Variants in ARHGEF12 observed in about 807,000 individuals in gnomAD.
The protein encoded by ARHGEF12 is Rho guanine nucleotide exchange factor 12, also known as KMT2A/ARHGEF12 fusion protein.
ARHGEF12 carries 66 observed loss-of-function variants against 211.2 expected under a neutral mutation model. The ratio of observed to expected loss-of-function variants is 0.31; its 90% CI spans 0.26 to 0.38. The LOEUF (loss-of-function observed/expected upper bound fraction) is 0.38. Among genes scored for constraint, ARHGEF12 ranks in the 10% least tolerant of loss-of-function variants. The pLI, the probability that ARHGEF12 is intolerant of heterozygous loss-of-function variation, is 1.00. For synonymous variants in ARHGEF12, 592 were observed against 638.4 expected (o/e 0.93, Z 1.09); for missense variants, 1,429 against 1,869.5 (o/e 0.76, Z 4.34).
chr11:120,427,928 C>T (rs1219122432), intron 7 of ARHGEF12, 141 bp from the exon 8 acceptor site: 2 of 602,420 alleles, frequency 3.3e-6, no homozygotes, highest in Non-Finnish European at 5.2e-6. Flanking sequence ...TCTGTGGAGA[C>T]ATGATGTAGC....
chr11:120,367,572 G>C (rs1013308356), intron 1 of ARHGEF12, among the ~76,000 whole-genome samples: 1 of 152,000 alleles, frequency 6.6e-6, no homozygotes, highest in South Asian at 2.1e-4. Context: ...CACCATGTTG[G>C]TCAGGCTGGT....
intron 1 of ARHGEF12, among the ~76,000 whole-genome samples, chr11:120,387,732 CAAAG>C (rs1944083032): frequency 6.6e-6 from 1 of 151,892 alleles, no homozygotes; most frequent in African/African-American, 2.4e-5. Flanking sequence ...TCCATATAAG[CAAAG>C]AAAAAAAGCA....
intron 1 of ARHGEF12, among the ~76,000 whole-genome samples, chr11:120,363,801 A>G (rs1180784384): frequency 1.3e-5 from 2 of 152,218 alleles, no homozygotes; most frequent in Non-Finnish European, 2.9e-5. Flanking sequence ...CCTAGGCCAG[A>G]TTCAGAAGAT....
At chr11:120,472,890 C>T (rs531021927) in intron 30 of ARHGEF12, among the ~76,000 whole-genome samples, 160 bp from the exon 31 acceptor site, 30 of 152,138 alleles carry the variant, frequency 2.0e-4, no homozygotes, top group African/African-American at 6.0e-4. Context: ...CTCCTAACCT[C>T]GTGATCCACC....
chr11:120,345,217 A>G (rs192749207), intron 1 of ARHGEF12, among the ~76,000 whole-genome samples: 9 of 152,338 alleles, frequency 5.9e-5, no homozygotes, highest in Middle Eastern at 3.4e-3. Context: ...CCATCCAGAA[A>G]CAGAAACTAA....
At chr11:120,455,454 T>C (rs980892127) in intron 22 of ARHGEF12, among the ~76,000 whole-genome samples, 1 of 152,158 alleles carries the variant, frequency 6.6e-6, no homozygotes, top group African/African-American at 2.4e-5. Context: ...AGGAAAATGG[T>C]TTTGAACTTA....
At chr11:120,405,983 C>T (rs1473998052) in intron 1 of ARHGEF12, 135 bp from the exon 2 acceptor site, 5 of 632,158 alleles carry the variant, frequency 7.9e-6, no homozygotes, top group Admixed American at 3.6e-5. Flanking sequence ...ATTCCTCCAG[C>T]TTATTGATTC....
chr11:120,377,254 C>G (rs1943751846), intron 1 of ARHGEF12, among the ~76,000 whole-genome samples: 1 of 152,170 alleles, frequency 6.6e-6, no homozygotes, highest in African/African-American at 2.4e-5. Flanking sequence ...AAAAAATTGT[C>G]TCTGCTTTCT....
Position 120,336,842 on chromosome 11 carries a change from C to G in ARHGEF12, c.-402C>G, listed in dbSNP as rs1036572212. On this transcript the variant is annotated 5_prime_UTR_variant, in exon 1 of 41. Transcript: ENST00000397843. Reference sequence around the variant, plus strand: ...CCGGCCCTTGCCGCGGCGGGGAGTTCGAGGCCCCGAGACTCCGGAGGAGGA... The same window carrying G: ...CCGGCCCTTGCCGCGGCGGGGAGTTGGAGGCCCCGAGACTCCGGAGGAGGA... The G allele has an allele frequency of 2.8e-6, 1 of 359,352 alleles. No individual in the cohort carries two copies. The highest frequency in any genetic ancestry group is 5.0e-6 in the Non-Finnish European group (1 of 201,304). The allele number at this position is 359,352 out of a possible 1,614,324, so 22.3% of individuals were successfully genotyped here. A position where few individuals can be genotyped will look rare whatever the true frequency, so the allele number is the denominator to read the frequency against.
chr11:120,337,617 G>A (rs1942392660), intron 1 of ARHGEF12: 1 of 985,238 alleles, frequency 1.0e-6, no homozygotes, highest in African/African-American at 1.7e-5. Context: ...CCTGAAGTCG[G>A]CTCGGTATTG....
intron 1 of ARHGEF12, among the ~76,000 whole-genome samples, chr11:120,354,585 A>G (rs898926337): frequency 6.6e-6 from 1 of 152,184 alleles, no homozygotes; most frequent in Non-Finnish European, 1.5e-5. Flanking sequence ...TGCTTAAGAG[A>G]TATTTAGGTG....
rs1942423325 is a variant in ARHGEF12 at position 120,338,437 on chromosome 11, G to T, written c.32+1162G>T. On this transcript the variant is annotated intron_variant, in intron 1 of 40. Transcript: ENST00000397843. Reference sequence around the variant, plus strand: ...AGAAACAGAACTTCCTCTTCCTGTTGATGCTTTCCAGCATCACATGAATGT... The same window carrying T: ...AGAAACAGAACTTCCTCTTCCTGTTTATGCTTTCCAGCATCACATGAATGT... Among the ~76,000 whole-genome samples, 3 of 152,164 alleles carry T rather than the reference G, an allele frequency of 2.0e-5. No homozygotes were observed. In the South Asian group the frequency reaches 6.2e-4, roughly 31 times the overall value.
intron 1 of ARHGEF12, among the ~76,000 whole-genome samples, chr11:120,348,218 A>C (rs2135282982): frequency 6.6e-6 from 1 of 152,352 alleles, no homozygotes; most frequent in Middle Eastern, 3.4e-3. Context: ...TTACAGAATT[A>C]GTGGAGTTGA....
rs1180571183 is a variant in ARHGEF12, at chr11:120,420,864, A to G, written c.298+13A>G. On this transcript the variant is annotated intron_variant, in intron 5 of 40. Transcript: ENST00000397843. The stretch of plus-strand genomic sequence containing the variant: ...TCTGTCAAAGAAGGCAAGGCATTTT[A>G]AAAAACAATTTATCACTCAGTAAAC... 6.2e-7 allele frequency: 1 copy of G among 1,606,578 alleles called. No individual in the cohort carries two copies. The highest frequency in any genetic ancestry group is 1.3e-5 in the African/African-American group (1 of 74,802).
intron 12 of ARHGEF12, chr11:120,438,552 A>G (rs1381804439): frequency 6.6e-6 from 1 of 152,204 alleles, no homozygotes; most frequent in East Asian, 1.9e-4. Context: ...TAGTGTTGCA[A>G]CACTAGGAGG....
intron 15 of ARHGEF12, among the ~76,000 whole-genome samples, chr11:120,445,020 G>A (rs1344039885): frequency 6.6e-6 from 1 of 152,088 alleles, no homozygotes; most frequent in African/African-American, 2.4e-5. Flanking sequence ...GAAAAATCAT[G>A]GCTATATGTG....
Position 120,480,150 on chromosome 11 carries a change from T to G in ARHGEF12, c.3957T>G (p.Thr1319=), listed in dbSNP as rs1244244804. The change falls in exon 38 of 41, where the codon ACT becomes ACG. Residue 1319 remains threonine (T), a synonymous_variant. Coordinates refer to ENST00000397843, the MANE Select transcript of ARHGEF12 (RefSeq NM_015313.3). ...GEGHMPFRTG[T]GDIATCYSPR... is the part of the protein sequence containing the mutation. The stretch of plus-strand genomic sequence containing the variant: ...GACATATGCCCTTTAGAACTGGAAC[T>G]GGTGACATTGCAACTTGTTACAGTC... The G allele has an allele frequency of 6.2e-7, 1 of 1,614,248 alleles. No homozygotes were observed. Among genetic ancestry groups the G allele is most frequent in the African/African-American group, 1.3e-5 (1 of 75,068 alleles).
At chr11:120,380,018 T>C (rs1943835335) in intron 1 of ARHGEF12, among the ~76,000 whole-genome samples, 1 of 152,218 alleles carries the variant, frequency 6.6e-6, no homozygotes, top group Non-Finnish European at 1.5e-5. Context: ...TTGTCAGATG[T>C]AGAATTGTTA....
chr11:120,484,010 C>T (rs1409087121), intron 39 of ARHGEF12, among the ~76,000 whole-genome samples: 1 of 152,216 alleles, frequency 6.6e-6, no homozygotes, highest in Non-Finnish European at 1.5e-5. Flanking sequence ...CTGCCTCGGC[C>T]TCCCAAAGTG....
Sources: gnomAD v4.1 joint callset for allele counts (sites outside exome capture counted in the v4.1 genomes callset) on GRCh38, gnomAD v4.1.1 for gene constraint, MANE v1.5 for transcripts, NCBI Gene and HGNC (gene_info 2026-07-23, HGNC 2026-07-21) for gene names.